Variants in MRTFB observed in about 807,000 individuals in gnomAD.
MRTFB encodes myocardin related transcription factor B.
MRTFB carries 29 observed loss-of-function variants against 104.2 expected under a neutral mutation model. The ratio of observed to expected loss-of-function variants is 0.28; its 90% confidence interval spans 0.21 to 0.38. MRTFB has a LOEUF of 0.38. Ranked by LOEUF, MRTFB falls within the 10% of genes least tolerant of loss-of-function variation. MRTFB has a pLI of 1.00. For missense variants in MRTFB, 1,270 were observed against 1,341.6 expected (o/e 0.95, Z 0.83); for synonymous variants, 535 against 519.5 (o/e 1.03, Z -0.41).
At chr16:14,115,557 G>A (rs2036500365) in intron 2 of MRTFB, among the ~76,000 whole-genome samples, 1 of 152,264 alleles carries the variant, frequency 6.6e-6, no homozygotes. Flanking sequence ...CTGCGGCCCA[G>A]CTACATTTTA....
At chr16:14,174,411 G>A (rs1464511521) in intron 3 of MRTFB, among the ~76,000 whole-genome samples, 11 of 152,134 alleles carry the variant, frequency 7.2e-5, no homozygotes, top group African/African-American at 1.2e-4. Context: ...GGCCAGGCAC[G>A]TTGGCTTACG....
At chr16:14,029,441 T>TAC in the MRTFB span, among the ~76,000 whole-genome samples, 59 of 56,328 alleles carry the variant, frequency 1.0e-3, no homozygotes, top group Middle Eastern at 7.9e-3. Flanking sequence ...TATATATATA[T>TAC]ATATACACAC....
intron 10 of MRTFB, chr16:14,240,700 T>G (rs763928117): frequency 3.5e-6 from 3 of 857,786 alleles, no homozygotes; most frequent in Non-Finnish European, 6.0e-6. Context: ...AGGTTCTGAA[T>G]TTTTACAAGT....
Position 14,248,957 on chromosome 16 carries a change from C to A in MRTFB, c.2279C>A (p.Pro760His), listed in dbSNP as rs544249505. ...CCACAAGCAGGAATGCAGACTCAGC[C>A]TCAGATAGCAACTGCTGCACAAATA... ...TSPQAGMQTQPQIATAAQIPT... is the reference protein window; with the variant it reads ...TSPQAGMQTQHQIATAAQIPT... Residue 760 changes from proline to histidine, a missense_variant, in exon 13 of 17, where the codon CCT (proline) becomes CAT (histidine). By Grantham distance (77) the Pro-to-His change is moderately conservative. This residue lies in a region of MRTFB where 1,144 missense variants were observed against 1,131.5 expected (regional missense o/e 1.01). Transcript: ENST00000571589. 1.9e-6 allele frequency: 3 copies of A among 1,614,148 alleles called. No homozygotes were observed. The highest frequency in any genetic ancestry group is 1.7e-5 in the Admixed American group (1 of 60,022).
chr16:14,041,882 C>A, the MRTFB span, among the ~76,000 whole-genome samples: 21 of 151,994 alleles, frequency 1.4e-4, no homozygotes, highest in African/African-American at 4.8e-4. Context: ...GCCAAGATTG[C>A]GCCATTGCAC....
the MRTFB span, among the ~76,000 whole-genome samples, chr16:14,026,398 C>T: frequency 1.3e-5 from 2 of 152,160 alleles, no homozygotes; most frequent in East Asian, 3.9e-4. Context: ...ACAACTTATG[C>T]AAAAATTAAC....
intron 2 of MRTFB, among the ~76,000 whole-genome samples, chr16:14,088,241 C>A (rs917190959): frequency 6.6e-6 from 1 of 152,120 alleles, no homozygotes; most frequent in Non-Finnish European, 1.5e-5. Context: ...GTACATTGAG[C>A]CTTGTGCAAT....
chr16:14,157,629 C>T (rs1435049626), intron 3 of MRTFB, among the ~76,000 whole-genome samples: 1 of 152,100 alleles, frequency 6.6e-6, no homozygotes, highest in East Asian at 1.9e-4. Context: ...GTGAGGGAGG[C>T]TTCCATGTCA....
the MRTFB span, among the ~76,000 whole-genome samples, chr16:14,046,542 C>A: frequency 6.6e-6 from 1 of 152,126 alleles, no homozygotes; most frequent in Non-Finnish European, 1.5e-5. Flanking sequence ...TCATTTCCAG[C>A]ATTTCTTGGC....
At chr16:14,002,437 G>A in the MRTFB span, among the ~76,000 whole-genome samples, 3 of 151,642 alleles carry the variant, frequency 2.0e-5, no homozygotes, top group South Asian at 6.3e-4. Context: ...AATGACCTAG[G>A]CTAGCACCAA....
intron 8 of MRTFB, among the ~76,000 whole-genome samples, chr16:14,232,322 T>A (rs947155951): frequency 1.3e-5 from 2 of 152,134 alleles, no homozygotes; most frequent in Non-Finnish European, 2.9e-5. Flanking sequence ...TTCAAAAAAA[T>A]ATGCAAGATG....
At chr16:14,141,838 G>T (rs963068850) in intron 3 of MRTFB, 1 of 149,014 alleles carries the variant, frequency 6.7e-6, no homozygotes, top group Non-Finnish European at 1.5e-5. Flanking sequence ...CATTTTGATA[G>T]GTGTTTTTTT....
chr16:14,017,606 T>C, the MRTFB span, among the ~76,000 whole-genome samples: 1 of 3,804 alleles, frequency 2.6e-4, no homozygotes, highest in Admixed American at 4.0e-3. Context: ...TATATATATA[T>C]ATATATATAT....
At chr16:14,003,055 C>G in the MRTFB span, among the ~76,000 whole-genome samples, 1 of 152,044 alleles carries the variant, frequency 6.6e-6, no homozygotes, top group African/African-American at 2.4e-5. Context: ...TCTTGCAAGG[C>G]TTCACTCCCT....
chr16:14,092,142 A>G (rs1030360112), intron 2 of MRTFB, among the ~76,000 whole-genome samples: 14 of 152,142 alleles, frequency 9.2e-5, no homozygotes, highest in African/African-American at 3.1e-4. Flanking sequence ...TTAGTACCAC[A>G]CTACTCAGAA....
intron 3 of MRTFB, among the ~76,000 whole-genome samples, chr16:14,195,835 T>C (rs1364176519): frequency 2.0e-5 from 3 of 152,130 alleles, no homozygotes; most frequent in Admixed American, 6.5e-5. Flanking sequence ...ATAAGAAAAA[T>C]AAACATTATC....
chr16:14,221,643 GTTCT>G (rs1380828880), intron 8 of MRTFB, among the ~76,000 whole-genome samples: 2 of 152,106 alleles, frequency 1.3e-5, no homozygotes, highest in African/African-American at 2.4e-5. Flanking sequence ...TCTTTCAGGG[GTTCT>G]TTGAGATTCT....
intron 12 of MRTFB, 22 bp from the exon 13 acceptor site, chr16:14,248,903 GT>G (rs1567217980): frequency 2.5e-6 from 4 of 1,608,660 alleles, no homozygotes; most frequent in East Asian, 4.5e-5. Context: ...TTAAATTGAT[GT>G]TTTTTTCAAT....
chr16:14,179,000 C>T (rs947338492), intron 3 of MRTFB, among the ~76,000 whole-genome samples: 2 of 152,112 alleles, frequency 1.3e-5, no homozygotes, highest in African/African-American at 2.4e-5. Context: ...ACCTTAGCCT[C>T]CCAAAGTGCG....
Sources: allele counts gnomAD v4.1 joint callset (sites outside exome capture counted in the v4.1 genomes callset), GRCh38; gene constraint gnomAD v4.1.1; regional missense constraint gnomAD v4.1.1; transcripts MANE v1.5; gene names NCBI Gene and HGNC (gene_info 2026-07-23, HGNC 2026-07-21).